Variants in SEM1 observed in about 807,000 individuals in gnomAD.
The protein encoded by SEM1 is SEM1 26S proteasome subunit, also known as 26S proteasome complex subunit SEM1.
SEM1 carries 3 observed loss-of-function variants against 12.7 expected under a neutral mutation model. That is an observed-to-expected ratio of 0.24 (90% CI 0.11 to 0.61). The LOEUF (loss-of-function observed/expected upper bound fraction) is 0.61, where lower values mean the gene tolerates loss of function less well. SEM1 is among the 20% of genes least tolerant of loss of function. The pLI, the probability that SEM1 is intolerant of heterozygous loss-of-function variation, is 0.88. For synonymous variants in SEM1, 30 were observed against 27.8 expected, an observed-to-expected ratio of 1.08 and a Z score of -0.25; for missense variants, 59 against 81.3, an observed-to-expected ratio of 0.73 and a Z score of 1.06.
chr7:96,645,188 A>G (rs1808745058), intron 2 of SEM1, among the ~76,000 whole-genome samples: 1 of 152,194 alleles, frequency 6.6e-6, no homozygotes, highest in Non-Finnish European at 1.5e-5. Flanking sequence ...TTCAATGATC[A>G]ATAAGTTAAT....
intron 2 of SEM1, among the ~76,000 whole-genome samples, chr7:96,597,575 A>G (rs1234689655): frequency 6.6e-6 from 1 of 151,954 alleles, no homozygotes; most frequent in Non-Finnish European, 1.5e-5. Flanking sequence ...CTTCCCATAG[A>G]TTCATCAGCT....
At chr7:96,511,380 G>T (rs1180592845) in intron 2 of SEM1, among the ~76,000 whole-genome samples, 1 of 152,108 alleles carries the variant, frequency 6.6e-6, no homozygotes, top group Non-Finnish European at 1.5e-5. Context: ...ATTTAATAAA[G>T]ATTCCAAGAG....
chr7:96,589,093 C>A lies in SEM1; in HGVS notation c.171-82395G>T, dbSNP rs553769028. Among the ~76,000 whole-genome samples, 16 of 152,324 alleles carry A rather than the reference C, an allele frequency of 1.1e-4. No individual in the cohort carries two copies. In the East Asian group the frequency reaches 2.3e-3, roughly 22 times the overall value. On this transcript the variant is annotated intron_variant and NMD_transcript_variant, in intron 2 of 3. Coordinates refer to the SEM1 transcript ENST00000466986. ...GGCTATTGCCTGCCTGAAGGCTGCA[C>A]CCAGGTGTGGGAACCGCACTGCTTA...
intron 2 of SEM1, among the ~76,000 whole-genome samples, chr7:96,564,841 TATATG>T (rs1296584934): frequency 6.6e-6 from 1 of 152,040 alleles, no homozygotes; most frequent in Non-Finnish European, 1.5e-5. Context: ...CAAGAAAACT[TATATG>T]GTAAGTCTAT....
At chr7:96,651,674 C>T (rs551206737) in intron 2 of SEM1, among the ~76,000 whole-genome samples, 1 of 152,312 alleles carries the variant, frequency 6.6e-6, no homozygotes, top group South Asian at 2.1e-4. Flanking sequence ...TGGGTTCAAG[C>T]AATTCTCCTG....
At chr7:96,496,401 C>A, upstream of SEM1, 1 of 771,608 alleles carries the variant, frequency 1.3e-6, no homozygotes, top group South Asian at 1.8e-5. Flanking sequence ...CCAAACTTCA[C>A]AAATGCTGAA....
chr7:96,683,568 A>G (rs953338522), intron 2 of SEM1, among the ~76,000 whole-genome samples: 1 of 152,142 alleles, frequency 6.6e-6, no homozygotes, highest in African/African-American at 2.4e-5. Context: ...CATTCTATAA[A>G]GCCACATGCA....
intron 2 of SEM1, among the ~76,000 whole-genome samples, chr7:96,540,732 T>C (rs1804921645): frequency 6.6e-6 from 1 of 151,724 alleles, no homozygotes; most frequent in African/African-American, 2.4e-5. Context: ...GTAGTGAACA[T>C]AGTAGGTTTT....
At chr7:96,704,251 G>C (rs1327093883) in intron 1 of SEM1, among the ~76,000 whole-genome samples, 1 of 151,702 alleles carries the variant, frequency 6.6e-6, no homozygotes, top group Non-Finnish European at 1.5e-5. Context: ...CATTCTGGAA[G>C]GATACTAAAG....
At chr7:96,651,792 C>G (rs537759236) in intron 2 of SEM1, among the ~76,000 whole-genome samples, 5 of 152,080 alleles carry the variant, frequency 3.3e-5, no homozygotes, top group Non-Finnish European at 7.4e-5. Context: ...AGGCTGGTCT[C>G]GAACTCCTGA....
At chr7:96,661,307 C>T (rs1788993677) in intron 2 of SEM1, among the ~76,000 whole-genome samples, 2 of 152,142 alleles carry the variant, frequency 1.3e-5, no homozygotes, top group African/African-American at 2.4e-5. Flanking sequence ...ATGGCTATAT[C>T]ATATTTAGGA....
In SEM1 at chr7:96,616,817, C is replaced by A. The variant is rs190355372; in HGVS notation, c.170+77981G>T. The stretch of plus-strand genomic sequence containing the variant: ...TATTGAATAGTATGTCATATCACCA[C>A]TGCTTATTTTTATTGACTTGTCAAA... On this transcript the variant is annotated intron_variant and NMD_transcript_variant, in intron 2 of 3. Coordinates refer to the SEM1 transcript ENST00000466986. 2.3e-3 allele frequency among the ~76,000 whole-genome samples: 347 copies of A among 152,106 alleles called. 1 individual carries two copies. The highest frequency in any genetic ancestry group is 8.1e-3 in the African/African-American group (335 of 41,556).
At chr7:96,661,052 A>G (rs1788986508) in intron 2 of SEM1, among the ~76,000 whole-genome samples, 2 of 152,218 alleles carry the variant, frequency 1.3e-5, no homozygotes, top group Non-Finnish European at 2.9e-5. Flanking sequence ...TATTTCATAT[A>G]TATTAATTTA....
chr7:96,564,316 C>G (rs1378138193), intron 2 of SEM1, among the ~76,000 whole-genome samples: 1 of 151,758 alleles, frequency 6.6e-6, no homozygotes, highest in Non-Finnish European at 1.5e-5. Flanking sequence ...AATACACCTC[C>G]CATGTTAACA....
rs141804821 is a variant in SEM1, at chr7:96,597,660, C to A, written c.171-90962G>T. On this transcript the variant is annotated intron_variant and NMD_transcript_variant, in intron 2 of 3. Coordinates refer to the SEM1 transcript ENST00000466986. ...GAACTTTACAATTATATATAAATTT[C>A]TCATATAGTATATATGATATATATA... 4.2e-3 allele frequency among the ~76,000 whole-genome samples: 589 copies of A among 139,844 alleles called. 3 individuals carry two copies. The highest frequency in any genetic ancestry group is 0.014 in the African/African-American group (557 of 38,414). The allele number at this position is 139,844 out of a possible 152,430, so 91.7% of individuals were successfully genotyped here.
At chr7:96,511,977 T>C (rs913019301) in intron 2 of SEM1, among the ~76,000 whole-genome samples, 2 of 152,156 alleles carry the variant, frequency 1.3e-5, no homozygotes, top group African/African-American at 2.4e-5. Context: ...CCATAGATTC[T>C]GGATTTCTGA....
At chr7:96,666,147 G>C (rs977422885) in intron 2 of SEM1, among the ~76,000 whole-genome samples, 7 of 152,172 alleles carry the variant, frequency 4.6e-5, no homozygotes, top group Non-Finnish European at 1.0e-4. Context: ...CACAGCCAAG[G>C]CCGAATCTCT....
At chr7:96,486,223 T>G in exon 2 of SEM1, 1 of 1,536,678 alleles carries the variant, frequency 6.5e-7, no homozygotes, top group South Asian at 1.2e-5. Context: ...AGGCTAACTC[T>G]GTTGTCGCTC....
At chr7:96,615,824 AC>A (rs1490411669) in intron 2 of SEM1, among the ~76,000 whole-genome samples, 1 of 152,118 alleles carries the variant, frequency 6.6e-6, no homozygotes, top group Non-Finnish European at 1.5e-5. Context: ...TTTAGCTCCC[AC>A]TTGTAAGTGT....
Sources: allele counts gnomAD v4.1 joint callset (sites outside exome capture counted in the v4.1 genomes callset), GRCh38; gene constraint gnomAD v4.1.1; transcripts MANE v1.5; gene names NCBI Gene and HGNC (gene_info 2026-07-23, HGNC 2026-07-21).